The following MED12L variants were observed in gnomAD, a reference collection of about 807,000 sequenced individuals.
MED12L encodes the protein mediator complex subunit 12L.
MED12L carries 60 observed loss-of-function variants against 281.3 expected under a neutral mutation model. The observed-to-expected ratio is 0.21, with a 90% CI of 0.17 to 0.26. MED12L has a LOEUF of 0.26. Ranked by LOEUF, MED12L falls within the 10% of genes least tolerant of loss-of-function variation. The pLI is 1.00. For synonymous variants in MED12L, 974 were observed against 987.2 expected (o/e 0.99, Z 0.25); for missense variants, 2,146 against 2,680.9 (o/e 0.80, Z 4.41).
intron 16 of MED12L, among the ~76,000 whole-genome samples, chr3:151,195,096 G>T (rs1272766463): frequency 2.6e-5 from 4 of 151,996 alleles, no homozygotes; most frequent in Non-Finnish European, 5.9e-5. Flanking sequence ...CCCAGAGGTG[G>T]ACCTTGCAGT....
At chr3:151,411,039 AT>A (rs572899579) in intron 40 of MED12L, among the ~76,000 whole-genome samples, 1 of 151,736 alleles carries the variant, frequency 6.6e-6, no homozygotes, top group Non-Finnish European at 1.5e-5. Context: ...ATGAGGATTC[AT>A]TTTTTTTAAG....
At chr3:151,097,268 C>T (rs1305635230) in intron 2 of MED12L, among the ~76,000 whole-genome samples, 1 of 152,166 alleles carries the variant, frequency 6.6e-6, no homozygotes, top group Non-Finnish European at 1.5e-5. Context: ...ATAAATGGAT[C>T]TTTCTTAGTT....
At chr3:151,143,308 G>C (rs1717310674) in intron 5 of MED12L, among the ~76,000 whole-genome samples, 1 of 152,192 alleles carries the variant, frequency 6.6e-6, no homozygotes, top group African/African-American at 2.4e-5. Context: ...AAACTTTACA[G>C]TAACTGCATT....
intron 16 of MED12L, among the ~76,000 whole-genome samples, chr3:151,321,440 T>TA (rs1276647331): frequency 3.3e-5 from 5 of 151,868 alleles, no homozygotes; most frequent in Admixed American, 6.6e-5. Flanking sequence ...TTAAATAGAA[T>TA]AAAAAAAGAC....
chr3:151,116,372 T>A lies in MED12L; in HGVS notation c.134T>A (p.Phe45Tyr), dbSNP rs1712817553. The change falls in exon 3 of 45, where the codon TTC (phenylalanine) becomes TAC (tyrosine). Residue 45 changes from phenylalanine to tyrosine, a missense_variant. By Grantham distance (22) the Phe-to-Tyr change is conservative. Transcript: ENST00000687756. ...ACTGCTGTGAATGTAAAGCAAGGCT[T>A]CAATAATCAGCCAGCCTTCACTGGA... ...ELTAVNVKQG[F>Y]NNQPAFTGDE... 1 of 1,613,520 alleles carries A rather than the reference T, an allele frequency of 6.2e-7. No individual in the cohort carries two copies. The highest frequency in any genetic ancestry group is 8.5e-7 in the Non-Finnish European group (1 of 1,179,640).
intron 16 of MED12L, among the ~76,000 whole-genome samples, chr3:151,224,290 G>A (rs1363681578): frequency 6.6e-6 from 1 of 151,862 alleles, no homozygotes; most frequent in East Asian, 1.9e-4. Context: ...TTAATACACA[G>A]TGCTCTGGAT....
chr3:151,110,729 G>A (rs1037952388), intron 2 of MED12L, among the ~76,000 whole-genome samples: 4 of 152,046 alleles, frequency 2.6e-5, no homozygotes, highest in African/African-American at 7.2e-5. Context: ...AACTTTATAC[G>A]CTTGGTTCCT....
At chr3:151,263,493 G>A (rs1306130737) in intron 16 of MED12L, among the ~76,000 whole-genome samples, 1 of 152,142 alleles carries the variant, frequency 6.6e-6, no homozygotes, top group Non-Finnish European at 1.5e-5. Context: ...TTTGTTCTTT[G>A]ATTTTGAGTT....
chr3:151,104,298 C>T (rs142626584), intron 2 of MED12L, among the ~76,000 whole-genome samples: 201 of 152,264 alleles, frequency 1.3e-3, no homozygotes, highest in African/African-American at 4.5e-3. Flanking sequence ...AAGTCAGGCC[C>T]CTACCTCTGG....
intron 39 of MED12L, among the ~76,000 whole-genome samples, chr3:151,405,322 G>A (rs773582750): frequency 2.0e-5 from 3 of 152,216 alleles, no homozygotes; most frequent in Non-Finnish European, 4.4e-5. Flanking sequence ...ACAATTATTA[G>A]ACTGTCCCAG....
chr3:151,363,521 A>G (rs1291493913), intron 21 of MED12L, among the ~76,000 whole-genome samples: 1 of 152,170 alleles, frequency 6.6e-6, no homozygotes, highest in African/African-American at 2.4e-5. Flanking sequence ...GGTTATTTCC[A>G]TCAAGAGCTT....
chr3:151,310,700 AG>A (rs1165804702), intron 16 of MED12L, among the ~76,000 whole-genome samples: 1 of 152,192 alleles, frequency 6.6e-6, no homozygotes, highest in African/African-American at 2.4e-5. Context: ...TCTTTTTCCC[AG>A]GCTTCATTTG....
At chr3:151,194,891 G>A (rs983539537) in intron 16 of MED12L, among the ~76,000 whole-genome samples, 22 of 152,154 alleles carry the variant, frequency 1.4e-4, no homozygotes, top group East Asian at 1.4e-3. Context: ...TGGGCCGGGC[G>A]CGGTGGCTCA....
At chr3:151,273,686 T>C (rs1453410116) in intron 16 of MED12L, among the ~76,000 whole-genome samples, 1 of 152,166 alleles carries the variant, frequency 6.6e-6, no homozygotes, top group Non-Finnish European at 1.5e-5. Context: ...GAGTCAAGAT[T>C]TGAAGCCAAA....
rs139970989 is a variant in MED12L, at chr3:151,214,032, C to A, written c.2250+20366C>A. On this transcript the variant is annotated intron_variant, in intron 16 of 44. Transcript: ENST00000687756. Reference sequence around the variant, plus strand: ...TGACGTAGAAGAGCACGGCAGAGACCCTGCACACAAACACGTTCAGCTGCC... The same window carrying A: ...TGACGTAGAAGAGCACGGCAGAGACACTGCACACAAACACGTTCAGCTGCC... 2.1e-5 allele frequency: 34 copies of A among 1,614,048 alleles called. No individual in the cohort carries two copies. In the African/African-American group the frequency reaches 4.1e-4, roughly 20 times the overall value.
intron 5 of MED12L, among the ~76,000 whole-genome samples, chr3:151,154,002 G>A (rs1424335072): frequency 6.6e-6 from 1 of 152,186 alleles, no homozygotes; most frequent in African/African-American, 2.4e-5. Flanking sequence ...ACTCAGGGCT[G>A]AGAGCTGAGT....
At position 151,423,699 on chromosome 3, in the gene MED12L, ATTAAG is replaced by A. The variant is rs138348890; in HGVS notation, c.6409-6595_6409-6591del. 6.7e-3 allele frequency among the ~76,000 whole-genome samples: 1,023 copies of A among 152,336 alleles called. 13 individuals carry two copies. Among genetic ancestry groups the A allele is most frequent in the African/African-American group, 0.023 (951 of 41,568 alleles). ...AATAATTTTAATGCTTCTTGTTGTG[ATTAAG>A]TTAATTCTTAACTAAATATGTTGAC... On this transcript the variant is annotated intron_variant, in intron 43 of 44. Coordinates refer to ENST00000687756, the MANE Select transcript of MED12L (RefSeq NM_001393769.1).
chr3:151,177,058 T>A (rs1020464204), intron 11 of MED12L, among the ~76,000 whole-genome samples: 2 of 152,194 alleles, frequency 1.3e-5, no homozygotes, highest in African/African-American at 4.8e-5. Context: ...GTGCTCTAGG[T>A]GATATCATAT....
Position 151,413,211 on chromosome 3 carries a change from T to C in MED12L, c.6213T>C (p.His2071=). 6.2e-7 allele frequency: 1 copy of C among 1,614,164 alleles called. No homozygotes were observed. Among genetic ancestry groups the C allele is most frequent in the Non-Finnish European group, 8.5e-7 (1 of 1,180,026 alleles). The change falls in exon 42 of 45, where the codon CAT becomes CAC. Residue 2071 remains histidine (H), a synonymous_variant. Transcript: ENST00000687756. ...GGIDAVLTSA[H]PNLPSVPLPQ... ...TTGATGCTGTGCTGACTTCTGCACATCCAAACCTTCCCTCCGTGCCCCTGC... is the reference window on the plus strand; with the variant it reads ...TTGATGCTGTGCTGACTTCTGCACACCCAAACCTTCCCTCCGTGCCCCTGC...
Sources: allele counts gnomAD v4.1 joint callset (sites outside exome capture counted in the v4.1 genomes callset), GRCh38; gene constraint gnomAD v4.1.1; transcripts MANE v1.5; gene names NCBI Gene and HGNC (gene_info 2026-07-23, HGNC 2026-07-21).